EFCAB13: variants seen among roughly 807,000 people sequenced by gnomAD.
EFCAB13 encodes the protein EF-hand calcium-binding domain-containing protein 13.
In EFCAB13, 91 loss-of-function variants were observed where a neutral mutation model predicts 110.2. The observed-to-expected ratio is 0.83, with a 90% CI of 0.70 to 0.98. EFCAB13 has a LOEUF of 0.98. Ranked by LOEUF, EFCAB13 falls within the 50% of genes least tolerant of loss-of-function variation. The probability of loss-of-function intolerance (pLI) is 0.00; values close to 1 mark genes in which losing one functional copy is unlikely to be tolerated. For missense variants in EFCAB13, 968 were observed against 1,119.4 expected, an observed-to-expected ratio of 0.86 and a Z score of 1.93; for synonymous variants, 323 against 369.9, an observed-to-expected ratio of 0.87 and a Z score of 1.45.
chr17:47,397,945 C>T (rs1346719009), intron 17 of EFCAB13, among the ~76,000 whole-genome samples: 203 of 143,466 alleles, frequency 1.4e-3, no homozygotes, highest in African/African-American at 4.8e-3. Context: ...CTAGGCCAGC[C>T]GCCCCGTCCG....
At chr17:47,357,049 CCA>C (rs2065484738) in intron 9 of EFCAB13, among the ~76,000 whole-genome samples, 1 of 152,170 alleles carries the variant, frequency 6.6e-6, no homozygotes, top group Non-Finnish European at 1.5e-5. Flanking sequence ...TCCACGCAGC[CCA>C]CAGTCTGAAA....
intron 6 of EFCAB13, among the ~76,000 whole-genome samples, 153 bp downstream of exon 6, chr17:47,342,185 T>C (rs1181062337): frequency 6.6e-6 from 1 of 152,072 alleles, no homozygotes; most frequent in East Asian, 1.9e-4. Context: ...TTAATTCTCC[T>C]TTTTCTTCTC....
chr17:47,424,168 C>T (rs1356604853), intron 23 of EFCAB13, among the ~76,000 whole-genome samples: 3 of 152,212 alleles, frequency 2.0e-5, no homozygotes, highest in Admixed American at 6.5e-5. Context: ...GCCGCCTAGT[C>T]CACCGGAGGA....
At position 47,341,932 on chromosome 17, in the gene EFCAB13, C is replaced by G. The variant is rs374908244; in HGVS notation, c.203C>G (p.Ser68Ter). 1.9e-5 allele frequency: 30 copies of G among 1,548,038 alleles called. No individual in the cohort carries two copies. The African/African-American group carries it at 3.9e-4, about 20-fold the overall frequency. ...SPEYKKIFET[S>*]IIFCGEEKSS... ...TCTGTGTCATTTAGATTTGAAACAT[C>G]AATAATCTTTTGTGGAGAAGAAAAG... Residue 68 changes from serine to a stop codon, truncating the protein, a stop_gained, in exon 6 of 25, where the codon TCA (serine) becomes TGA (stop). Transcript: ENST00000331493. LOFTEE classifies it high-confidence loss of function.
intron 14 of EFCAB13, among the ~76,000 whole-genome samples, chr17:47,383,074 G>A (rs1316356941): frequency 6.6e-6 from 1 of 152,108 alleles, no homozygotes; most frequent in Non-Finnish European, 1.5e-5. Flanking sequence ...TTTGTGTAGA[G>A]GTGCTTATAG....
chr17:47,385,708 T>C (rs899846396), intron 14 of EFCAB13, among the ~76,000 whole-genome samples: 9 of 152,090 alleles, frequency 5.9e-5, no homozygotes, highest in African/African-American at 1.9e-4. Flanking sequence ...TTGCAATCAT[T>C]TGGAGGAGAA....
intron 17 of EFCAB13, 128 bp from the exon 18 acceptor site, chr17:47,402,004 T>C: frequency 1.4e-6 from 1 of 739,458 alleles, no homozygotes. Flanking sequence ...CCTTTGGTTA[T>C]TCAAAAATAT....
intron 10 of EFCAB13, chr17:47,369,762 T>G (rs1180776390): frequency 6.6e-6 from 1 of 152,416 alleles, no homozygotes; most frequent in East Asian, 1.9e-4. Context: ...CAAGAACTAT[T>G]GGGCAAAGCA....
intron 14 of EFCAB13, among the ~76,000 whole-genome samples, chr17:47,388,763 G>T (rs1467357454): frequency 1.3e-5 from 2 of 151,928 alleles, no homozygotes; most frequent in Non-Finnish European, 2.9e-5. Flanking sequence ...TTTCTCTTGG[G>T]GAGATTCCTA....
chr17:47,391,632 C>T, intron 15 of EFCAB13, 52 bp downstream of exon 15: 2 of 1,451,632 alleles, frequency 1.4e-6, no homozygotes, highest in Non-Finnish European at 1.8e-6. Flanking sequence ...GAAGGAGGGT[C>T]AATTTGTTAT....
intron 2 of EFCAB13, among the ~76,000 whole-genome samples, chr17:47,325,905 T>TTATATATATATAAACAAAATATATATA (rs2065279796): frequency 7.8e-6 from 1 of 128,138 alleles, no homozygotes; most frequent in Non-Finnish European, 1.6e-5. Context: ...AGGGCAGATT[T>TTATATATATATAAACAAAATATATATA]TATATATATA....
At chr17:47,411,863 C>T (rs1417013537) in intron 21 of EFCAB13, among the ~76,000 whole-genome samples, 2 of 152,024 alleles carry the variant, frequency 1.3e-5, no homozygotes, top group Non-Finnish European at 2.9e-5. Context: ...AGGCTGACGC[C>T]GGTGGATCAC....
At chr17:47,424,957 A>G (rs1904893729) in intron 23 of EFCAB13, among the ~76,000 whole-genome samples, 1 of 121,768 alleles carries the variant, frequency 8.2e-6, no homozygotes, top group Non-Finnish European at 1.6e-5. Flanking sequence ...ATCTCGGCTC[A>G]CTGCAAGCTC....
In EFCAB13 at chr17:47,440,418, C is replaced by T. The variant is rs1165540864; in HGVS notation, c.2639-13C>T. ...AATTCTTTCTTTTAAGTAAATTATG[C>T]TTTGCCTTACAGAAAGTGGCAAGGT... On this transcript the variant is annotated splice_polypyrimidine_tract_variant and intron_variant, in intron 24 of 24. Transcript: ENST00000331493. The T allele has an allele frequency of 6.5e-7, 1 of 1,550,382 alleles. No homozygotes were observed. Among genetic ancestry groups the T allele is most frequent in the African/African-American group, 1.4e-5 (1 of 72,288 alleles).
At chr17:47,407,570 A>T (rs1729472646) in intron 20 of EFCAB13, among the ~76,000 whole-genome samples, 1 of 152,186 alleles carries the variant, frequency 6.6e-6, no homozygotes, top group Non-Finnish European at 1.5e-5. Context: ...CCACGAAAGA[A>T]AATTGTCAGT....
Position 47,374,885 on chromosome 17 carries a change from C to A in EFCAB13, c.1291C>A (p.Leu431Ile). Residue 431 changes from leucine (L) to isoleucine (I), a missense_variant, in exon 12 of 25, where the codon CTT becomes ATT. Coordinates refer to ENST00000331493, the MANE Select transcript of EFCAB13 (RefSeq NM_152347.5). ...DKSDISSIPKLQKPAVRKHSS... is the reference protein window; with the variant it reads ...DKSDISSIPKIQKPAVRKHSS... ...AAGTGATATTTCTAGTATCCCAAAA[C>A]TTCAGAAGCCAGCTGTAAGAAAGCA... 6.2e-7 allele frequency: 1 copy of A among 1,609,864 alleles called. No homozygotes were observed. The highest frequency in any genetic ancestry group is 1.3e-5 in the African/African-American group (1 of 74,734).
At position 47,344,265 on chromosome 17, in the gene EFCAB13, C is replaced by T. The variant is rs1260633641; in HGVS notation, c.407C>T (p.Pro136Leu). The change falls in exon 7 of 25, where the codon CCT becomes CTT. Residue 136 changes from proline (P) to leucine (L), a missense_variant. Pro to Leu is a moderately conservative substitution (Grantham distance 98, BLOSUM62 -3). Transcript: ENST00000331493. ...NQYSVHKTSS[P>L]LCTSSAITRE... ...TACAGCGTTCACAAGACTTCATCACCTCTTTGTACATCTTCTGCAATTACT... is the reference window on the plus strand; with the variant it reads ...TACAGCGTTCACAAGACTTCATCACTTCTTTGTACATCTTCTGCAATTACT... The T allele has an allele frequency of 1.2e-6, 2 of 1,612,530 alleles. No individual in the cohort carries two copies. The highest frequency in any genetic ancestry group is 1.7e-6 in the Non-Finnish European group (2 of 1,178,926).
rs545795044 is a variant in EFCAB13 at position 47,401,000 on chromosome 17, C to G, written c.1946-1132C>G. 6.6e-5 allele frequency among the ~76,000 whole-genome samples: 10 copies of G among 152,314 alleles called. No homozygotes were observed. In the East Asian group the frequency reaches 1.7e-3, roughly 26 times the overall value. ...TGAGGAATGGAATGTACAAACACTT[C>G]TATCCTTCTCTACCGTTTCTCCCAT... On this transcript the variant is annotated intron_variant, in intron 17 of 24. Transcript: ENST00000331493.
At chr17:47,369,086 A>T (rs765981834) in intron 10 of EFCAB13, among the ~76,000 whole-genome samples, 1 of 152,246 alleles carries the variant, frequency 6.6e-6, no homozygotes, top group Non-Finnish European at 1.5e-5. Flanking sequence ...AATGGAGTTC[A>T]TGAGCTGGTG....
Sources: gnomAD v4.1 joint callset for allele counts (sites outside exome capture counted in the v4.1 genomes callset) on GRCh38, gnomAD v4.1.1 for gene constraint, MANE v1.5 for transcripts, NCBI Gene and HGNC (gene_info 2026-07-23, HGNC 2026-07-21) for gene names.